RHOJ: variants seen among roughly 807,000 people sequenced by gnomAD.
RHOJ encodes the protein rho-related GTP-binding protein RhoJ.
In RHOJ, 11 loss-of-function variants were observed where a neutral mutation model predicts 23.4. That is an observed-to-expected ratio of 0.47 (90% CI 0.30 to 0.78). RHOJ has a LOEUF of 0.78. Ranked by LOEUF, RHOJ falls within the 30% of genes least tolerant of loss-of-function variation. The probability of loss-of-function intolerance (pLI) is 0.08; values close to 1 mark genes in which losing one functional copy is unlikely to be tolerated. For missense variants in RHOJ, 254 were observed against 273.4 expected, an observed-to-expected ratio of 0.93 and a Z score of 0.50; for synonymous variants, 102 against 102.7, an observed-to-expected ratio of 0.99 and a Z score of 0.04.
intron 1 of RHOJ, among the ~76,000 whole-genome samples, chr14:63,215,887 C>A (rs1400142766): frequency 1.3e-5 from 2 of 152,090 alleles, no homozygotes; most frequent in Non-Finnish European, 2.9e-5. Context: ...AACATAATAG[C>A]CACCCGGAAC....
intron 1 of RHOJ, among the ~76,000 whole-genome samples, chr14:63,256,386 T>C (rs1480603767): frequency 2.6e-5 from 4 of 152,156 alleles, no homozygotes; most frequent in Non-Finnish European, 4.4e-5. Context: ...AGCAAGAGCT[T>C]GTGGATCAGA....
intron 1 of RHOJ, among the ~76,000 whole-genome samples, chr14:63,257,236 C>CAAAA (rs11463617): frequency 4.9e-4 from 24 of 49,090 alleles, no homozygotes; most frequent in East Asian, 2.6e-3. Context: ...AGACTGTCTC[C>CAAAA]AAAAAAAAAA....
At chr14:63,213,153 T>C (rs1894277354) in intron 1 of RHOJ, among the ~76,000 whole-genome samples, 1 of 152,236 alleles carries the variant, frequency 6.6e-6, no homozygotes, top group African/African-American at 2.4e-5. Context: ...GTATTTTAGA[T>C]TTAGAGGGTA....
intron 4 of RHOJ, among the ~76,000 whole-genome samples, chr14:63,289,309 A>G (rs1161007279): frequency 6.6e-6 from 1 of 152,218 alleles, no homozygotes; most frequent in Non-Finnish European, 1.5e-5. Context: ...CACACCCTAG[A>G]GGGGGCATGT....
chr14:63,265,428 T>G (rs1566624521), intron 1 of RHOJ, among the ~76,000 whole-genome samples: 1 of 152,234 alleles, frequency 6.6e-6, no homozygotes. Flanking sequence ...ACTGTAGCCA[T>G]GTAGTATAGT....
intron 1 of RHOJ, among the ~76,000 whole-genome samples, chr14:63,234,477 A>G (rs1057458088): frequency 2.0e-5 from 3 of 152,248 alleles, no homozygotes; most frequent in Non-Finnish European, 4.4e-5. Flanking sequence ...TTATTTGAAT[A>G]TGCTCAACAT....
chr14:63,243,093 A>T (rs1894913179), intron 1 of RHOJ, among the ~76,000 whole-genome samples: 2 of 152,244 alleles, frequency 1.3e-5, no homozygotes, highest in Non-Finnish European at 1.5e-5. Context: ...TTGAAATAAA[A>T]AACAAATTGA....
intron 4 of RHOJ, among the ~76,000 whole-genome samples, chr14:63,287,758 T>A (rs1219733414): frequency 6.6e-6 from 1 of 152,186 alleles, no homozygotes; most frequent in Non-Finnish European, 1.5e-5. Context: ...AATAAGTCAT[T>A]TGGGTAGAAC....
chr14:63,210,116 C>T (rs1326339739), intron 1 of RHOJ, among the ~76,000 whole-genome samples: 1 of 151,948 alleles, frequency 6.6e-6, no homozygotes, highest in Non-Finnish European at 1.5e-5. Flanking sequence ...CGTGCCACCA[C>T]GCCCAGCTAA....
chr14:63,283,945 G>C (rs963742666), intron 4 of RHOJ, among the ~76,000 whole-genome samples: 2 of 152,164 alleles, frequency 1.3e-5, no homozygotes, highest in Non-Finnish European at 2.9e-5. Context: ...AAATATTCGA[G>C]AGGGTGGACG....
chr14:63,209,959 TTTC>T (rs1189550104), intron 1 of RHOJ, among the ~76,000 whole-genome samples: 3 of 150,852 alleles, frequency 2.0e-5, no homozygotes, highest in Non-Finnish European at 4.4e-5. Flanking sequence ...TTTCCTTTTT[TTTC>T]TTTTTTTTTT....
chr14:63,290,364 C>T (rs1882208304), intron 4 of RHOJ, among the ~76,000 whole-genome samples: 1 of 152,154 alleles, frequency 6.6e-6, no homozygotes, highest in African/African-American at 2.4e-5. Flanking sequence ...ATATCATTCA[C>T]TCTCTTTCTA....
intron 1 of RHOJ, among the ~76,000 whole-genome samples, chr14:63,241,988 C>T (rs1894891693): frequency 6.6e-6 from 1 of 152,148 alleles, no homozygotes; most frequent in South Asian, 2.1e-4. Context: ...AGCTGAGTGA[C>T]TTGGAGATGG....
chr14:63,250,240 T>A (rs189019652), intron 1 of RHOJ, among the ~76,000 whole-genome samples: 6 of 152,244 alleles, frequency 3.9e-5, no homozygotes, highest in African/African-American at 1.2e-4. Context: ...CCTTTCTTTT[T>A]GTTTGTTTGT....
intron 1 of RHOJ, among the ~76,000 whole-genome samples, chr14:63,264,732 A>C (rs1024605412): frequency 2.0e-5 from 3 of 152,170 alleles, no homozygotes; most frequent in Non-Finnish European, 4.4e-5. Flanking sequence ...GGTGTGAGAT[A>C]GTATTTTACT....
At chr14:63,233,133 G>C (rs1261490114) in intron 1 of RHOJ, among the ~76,000 whole-genome samples, 1 of 152,130 alleles carries the variant, frequency 6.6e-6, no homozygotes, top group Non-Finnish European at 1.5e-5. Flanking sequence ...AAAAGAAATG[G>C]AAAAGTTGCT....
intron 1 of RHOJ, among the ~76,000 whole-genome samples, chr14:63,220,520 T>C (rs1240135607): frequency 1.3e-5 from 2 of 151,544 alleles, no homozygotes; most frequent in Non-Finnish European, 2.9e-5. Context: ...CAAACAAAAT[T>C]CAGGTCTCAG....
chr14:63,253,529 C>T (rs974834594), intron 1 of RHOJ, among the ~76,000 whole-genome samples: 2 of 152,138 alleles, frequency 1.3e-5, no homozygotes, highest in Admixed American at 1.3e-4. Context: ...CTGTACCTGG[C>T]CCCTAGATAA....
chr14:63,211,181 AAT>A (rs1894228093), intron 1 of RHOJ, among the ~76,000 whole-genome samples: 1 of 152,154 alleles, frequency 6.6e-6, no homozygotes, highest in South Asian at 2.1e-4. Context: ...AAACAGGTCC[AAT>A]CCACAGGGGG....
Sources: gnomAD v4.1 joint callset for allele counts (sites outside exome capture counted in the v4.1 genomes callset) on GRCh38, gnomAD v4.1.1 for gene constraint, MANE v1.5 for transcripts, NCBI Gene and HGNC (gene_info 2026-07-23, HGNC 2026-07-21) for gene names.